The following C12orf75 variants were observed in gnomAD, a reference collection of about 807,000 sequenced individuals.
C12orf75 encodes the protein overexpressed in colon carcinoma 1 protein.
In C12orf75, 4 loss-of-function variants were observed where a neutral mutation model predicts 11.4. The ratio of observed to expected loss-of-function variants is 0.35; its 90% CI spans 0.17 to 0.80. The LOEUF (loss-of-function observed/expected upper bound fraction) is 0.80. Among genes scored for constraint, C12orf75 ranks in the 30% least tolerant of loss-of-function variants. The probability of loss-of-function intolerance (pLI) is 0.52; values close to 1 mark genes in which losing one functional copy is unlikely to be tolerated. For missense variants in C12orf75, 89 were observed against 80.4 expected (o/e 1.11, Z -0.41); for synonymous variants, 30 against 30.0 (o/e 1.00, Z 0.00).
chr12:105,343,266 A>G (rs935833225), intron 1 of C12orf75, among the ~76,000 whole-genome samples: 1 of 150,722 alleles, frequency 6.6e-6, no homozygotes, highest in Non-Finnish European at 1.5e-5. Context: ...CCTTTTTTTC[A>G]TTTCTACTTC....
intron 1 of C12orf75, among the ~76,000 whole-genome samples, chr12:105,339,481 T>C (rs533264788): frequency 1.3e-5 from 2 of 151,982 alleles, no homozygotes; most frequent in South Asian, 2.1e-4. Flanking sequence ...GTTTGAAGAA[T>C]GTAACTTAAT....
At chr12:105,336,861 G>C (rs1892505560) in intron 1 of C12orf75, among the ~76,000 whole-genome samples, 1 of 152,158 alleles carries the variant, frequency 6.6e-6, no homozygotes, top group South Asian at 2.1e-4. Context: ...AATAAAGAGA[G>C]GTGTGGAGAC....
intron 2 of C12orf75, among the ~76,000 whole-genome samples, chr12:105,352,941 A>G (rs10861405): frequency 0.26 from 39,888 of 152,136 alleles, 6,658 homozygotes; most frequent in East Asian, 0.66. Flanking sequence ...GCAGTAACAC[A>G]CTGAACAAAA....
At chr12:105,354,133 G>A (rs1042501826) in intron 2 of C12orf75, among the ~76,000 whole-genome samples, 7 of 152,148 alleles carry the variant, frequency 4.6e-5, no homozygotes, top group East Asian at 1.9e-4. Context: ...AGAAGGTAAC[G>A]CTGTCTTCTG....
chr12:105,360,214 C>T (rs1017733002), intron 2 of C12orf75, among the ~76,000 whole-genome samples: 1 of 152,224 alleles, frequency 6.6e-6, no homozygotes, highest in Admixed American at 6.5e-5. Flanking sequence ...GTTCTGCTCT[C>T]CCTCCCCATT....
chr12:105,353,070 G>A (rs947767288), intron 2 of C12orf75, among the ~76,000 whole-genome samples: 1 of 152,160 alleles, frequency 6.6e-6, no homozygotes, highest in Non-Finnish European at 1.5e-5. Flanking sequence ...AATAGGCTGC[G>A]TTGGGATATT....
At chr12:105,361,602 TG>T (rs1012554407) in intron 2 of C12orf75, among the ~76,000 whole-genome samples, 1 of 152,208 alleles carries the variant, frequency 6.6e-6, no homozygotes, top group African/African-American at 2.4e-5. Flanking sequence ...GCAATCGCAT[TG>T]GCCTGTCAGG....
intron 2 of C12orf75, among the ~76,000 whole-genome samples, chr12:105,362,248 T>TG (rs772194844): frequency 3.9e-4 from 58 of 150,518 alleles, no homozygotes; most frequent in East Asian, 3.6e-3. Context: ...TAGCCGGGCG[T>TG]GTGGCGGGCG....
chr12:105,362,014 T>C (rs1892873217), intron 2 of C12orf75, among the ~76,000 whole-genome samples: 1 of 152,258 alleles, frequency 6.6e-6, no homozygotes, highest in South Asian at 2.1e-4. Flanking sequence ...AGTTAGAGGT[T>C]GTTTCTCATG....
At position 105,341,544 on chromosome 12, in the gene C12orf75, T is replaced by C. The variant is rs141430906; in HGVS notation, c.47-7058T>C. ...CTTCAGGCTCAATGATTTGCTAGAA[T>C]AGCTCACAGGACTCAGGAGGACACT... On this transcript the variant is annotated intron_variant, in intron 1 of 5. Transcript: ENST00000443585. 3.1e-4 allele frequency among the ~76,000 whole-genome samples: 47 copies of C among 152,332 alleles called. No individual in the cohort carries two copies. The East Asian group carries it at 8.3e-3, about 27-fold the overall frequency.
chr12:105,333,401 G>A (rs1892460824), intron 1 of C12orf75, among the ~76,000 whole-genome samples: 1 of 152,166 alleles, frequency 6.6e-6, no homozygotes, highest in African/African-American at 2.4e-5. Context: ...ACACTAGGAG[G>A]ACTGAACCCG....
At chr12:105,337,953 C>G (rs577211529) in intron 1 of C12orf75, among the ~76,000 whole-genome samples, 1 of 152,012 alleles carries the variant, frequency 6.6e-6, no homozygotes, top group East Asian at 1.9e-4. Flanking sequence ...ATCTTGGCTT[C>G]CATGTTAGAG....
intron 1 of C12orf75, among the ~76,000 whole-genome samples, chr12:105,342,944 T>C (rs1047098321): frequency 1.3e-5 from 2 of 152,196 alleles, no homozygotes; most frequent in African/African-American, 4.8e-5. Flanking sequence ...AATGTTAAAA[T>C]CTTCTGAAAT....
chr12:105,330,702 G>T lies in C12orf75; in HGVS notation c.-190G>T, dbSNP rs930267384. ...GAGGGGTGCCGGGTGGTTTCCGCCC[G>T]GCAGCCCGCAGCCCGCTGCGCCCCG... is the stretch of plus-strand genomic sequence containing the variant. On this transcript the variant is annotated 5_prime_UTR_variant, in exon 1 of 6. Transcript: ENST00000443585. The T allele has an allele frequency of 3.9e-5, 16 of 412,776 alleles. No individual in the cohort carries two copies. The Admixed American group carries it at 6.3e-4, about 16-fold the overall frequency. 25.6% of individuals were successfully genotyped at this position (412,776 alleles called of 1,614,324 possible).
chr12:105,341,637 A>T (rs1341903301), intron 1 of C12orf75, among the ~76,000 whole-genome samples: 1 of 152,202 alleles, frequency 6.6e-6, no homozygotes. Flanking sequence ...TACTTGGGGA[A>T]GTCTGGAAGT....
Position 105,330,732 on chromosome 12 carries a change from G to A in C12orf75, c.-160G>A. 2 of 628,466 alleles carry A rather than the reference G, an allele frequency of 3.2e-6. No individual in the cohort carries two copies. Among genetic ancestry groups the A allele is most frequent in the Non-Finnish European group, 4.3e-6 (2 of 460,518 alleles). 38.9% of individuals were successfully genotyped at this position (628,466 alleles called of 1,614,324 possible). ...CCCGCAGCCCGCTGCGCCCCGGGCC[G>A]CGTCTCCCGGCGGTGGGAGGGGGCG... On this transcript the variant is annotated 5_prime_UTR_variant, in exon 1 of 6. Transcript: ENST00000443585.
chr12:105,343,504 G>A (rs1449845615), intron 1 of C12orf75, among the ~76,000 whole-genome samples: 1 of 152,162 alleles, frequency 6.6e-6, no homozygotes, highest in East Asian at 1.9e-4. Flanking sequence ...TTTGATCAAA[G>A]CACTTTTTGC....
At chr12:105,354,390 G>A (rs1892749547) in intron 2 of C12orf75, among the ~76,000 whole-genome samples, 1 of 152,116 alleles carries the variant, frequency 6.6e-6, no homozygotes, top group Non-Finnish European at 1.5e-5. Context: ...AGCATTTTCT[G>A]TACGTTATCT....
chr12:105,343,675 A>G (rs1288419758), intron 1 of C12orf75, among the ~76,000 whole-genome samples: 1 of 151,946 alleles, frequency 6.6e-6, no homozygotes, highest in Non-Finnish European at 1.5e-5. Context: ...TTATGTACCT[A>G]GGTACTCTGA....
Sources: allele counts gnomAD v4.1 joint callset (sites outside exome capture counted in the v4.1 genomes callset), GRCh38; gene constraint gnomAD v4.1.1; transcripts MANE v1.5; gene names NCBI Gene and HGNC (gene_info 2026-07-23, HGNC 2026-07-21).